ANKRD36: variants seen among roughly 807,000 people sequenced by gnomAD.
ANKRD36 encodes the protein ankyrin repeat domain 36, also known as ankyrin repeat domain-containing protein 36A.
ANKRD36 carries 179 observed loss-of-function variants against 278.1 expected under a neutral mutation model. The ratio of observed to expected loss-of-function variants is 0.64; its 90% CI spans 0.57 to 0.73. ANKRD36 has a LOEUF of 0.73. Ranked by LOEUF, ANKRD36 falls within the 30% of genes least tolerant of loss-of-function variation. ANKRD36 has a pLI of 0.00. For missense variants in ANKRD36, 1,159 were observed against 1,956.7 expected, an observed-to-expected ratio of 0.59 and a Z score of 7.69; for synonymous variants, 320 against 641.1, an observed-to-expected ratio of 0.50 and a Z score of 7.57.
intron 30 of ANKRD36, among the ~76,000 whole-genome samples, chr2:97,186,647 A>G (rs2924037): frequency 6.6e-6 from 1 of 151,662 alleles, no homozygotes; most frequent in African/African-American, 2.4e-5. Flanking sequence ...TACTCGGATT[A>G]AGGAAACATA....
intron 6 of ANKRD36, among the ~76,000 whole-genome samples, chr2:97,140,407 G>A (rs1379932687): frequency 6.6e-6 from 1 of 151,934 alleles, no homozygotes; most frequent in Non-Finnish European, 1.5e-5. Context: ...GCTCCACAAA[G>A]TCTTACGTAT....
intron 42 of ANKRD36, 61 bp from the exon 43 acceptor site, chr2:97,198,402 A>T: frequency 6.4e-7 from 1 of 1,553,602 alleles, no homozygotes; most frequent in Non-Finnish European, 8.7e-7. Context: ...CACTGTATGA[A>T]TGTATGGATA....
chr2:97,217,151 A>G (rs1389795618), intron 62 of ANKRD36, 26 bp from the exon 63 acceptor site: 2 of 1,537,848 alleles, frequency 1.3e-6, no homozygotes, highest in South Asian at 1.2e-5. Context: ...ACATATGATG[A>G]ATTATATATT....
intron 22 of ANKRD36, among the ~76,000 whole-genome samples, chr2:97,177,429 A>G (rs979184998): frequency 2.6e-5 from 4 of 151,948 alleles, no homozygotes; most frequent in Non-Finnish European, 4.4e-5. Flanking sequence ...TTCAAACTAT[A>G]CTACAAGGCT....
At chr2:97,177,265 C>T (rs376789263) in intron 22 of ANKRD36, among the ~76,000 whole-genome samples, 2 of 151,692 alleles carry the variant, frequency 1.3e-5, no homozygotes, top group South Asian at 2.1e-4. Context: ...AGGTAATTTA[C>T]AGATTCAATG....
At chr2:97,203,791 G>A (rs905619484) in intron 48 of ANKRD36, among the ~76,000 whole-genome samples, 1 of 151,728 alleles carries the variant, frequency 6.6e-6, no homozygotes, top group African/African-American at 2.4e-5. Flanking sequence ...CTCATCACTC[G>A]GCATATCCAC....
At chr2:97,177,838 A>G (rs902350332) in intron 22 of ANKRD36, among the ~76,000 whole-genome samples, 2 of 151,984 alleles carry the variant, frequency 1.3e-5, no homozygotes, top group Admixed American at 6.6e-5. Flanking sequence ...GGATCTAATT[A>G]AACTAAAGAG....
intron 6 of ANKRD36, among the ~76,000 whole-genome samples, chr2:97,135,772 G>A (rs1377008484): frequency 6.6e-6 from 1 of 151,788 alleles, no homozygotes; most frequent in Non-Finnish European, 1.5e-5. Context: ...GGATGTAATG[G>A]CTCAAATTTT....
At chr2:97,136,769 C>T (rs543728635) in intron 6 of ANKRD36, among the ~76,000 whole-genome samples, 35 of 152,064 alleles carry the variant, frequency 2.3e-4, no homozygotes, top group African/African-American at 8.4e-4. Context: ...GTTCTAGCTG[C>T]ACCTGGTTCA....
chr2:97,131,872 A>G (rs1256565876), intron 6 of ANKRD36, among the ~76,000 whole-genome samples: 1 of 151,924 alleles, frequency 6.6e-6, no homozygotes, highest in Admixed American at 6.6e-5. Flanking sequence ...TCTGTTGCCC[A>G]GGCTGGAGTG....
At chr2:97,163,084 G>A (rs2049467100) in intron 18 of ANKRD36, among the ~76,000 whole-genome samples, 1 of 152,302 alleles carries the variant, frequency 6.6e-6, no homozygotes, top group Non-Finnish European at 1.5e-5. Flanking sequence ...TGGCTAACAT[G>A]GTGAAACCCC....
chr2:97,153,759 G>C (rs1316400734), intron 14 of ANKRD36, among the ~76,000 whole-genome samples: 1 of 147,746 alleles, frequency 6.8e-6, no homozygotes, highest in Non-Finnish European at 1.5e-5. Context: ...AATTTGCAGG[G>C]GACAGCCAAA....
intron 20 of ANKRD36, among the ~76,000 whole-genome samples, chr2:97,166,597 T>A: frequency 6.7e-6 from 1 of 148,472 alleles, no homozygotes; most frequent in Non-Finnish European, 1.5e-5. Context: ...GGCTAGGTGT[T>A]TGGGGGTTTC....
At position 97,155,493 on chromosome 2, in the gene ANKRD36, A is replaced by G. The variant is rs1204341432; in HGVS notation, c.1260+752A>G. Among the ~76,000 whole-genome samples the G allele has an allele frequency of 1.4e-5, 2 of 146,536 alleles. 1 individual carries two copies. The highest frequency in any genetic ancestry group is 3.1e-5 in the Non-Finnish European group (2 of 64,936). On this transcript the variant is annotated intron_variant, in intron 15 of 75. Transcript: ENST00000420699. ...AAATTTAAATTCTGTTCTCAGATCTACAGTAGAGAGGGTTTACAGTGTGTT... is the reference window on the plus strand; with the variant it reads ...AAATTTAAATTCTGTTCTCAGATCTGCAGTAGAGAGGGTTTACAGTGTGTT...
chr2:97,183,550 A>C, intron 27 of ANKRD36, 32 bp from the exon 28 acceptor site: 1 of 1,552,348 alleles, frequency 6.4e-7, no homozygotes, highest in Non-Finnish European at 8.7e-7. Flanking sequence ...TATGTATTAT[A>C]TATTGACTAT....
intron 1 of ANKRD36, among the ~76,000 whole-genome samples, chr2:97,116,396 C>T (rs1380584768): frequency 6.6e-6 from 1 of 152,110 alleles, no homozygotes; most frequent in Non-Finnish European, 1.5e-5. Context: ...ACCTCAGCCT[C>T]CTGAGTAGCT....
chr2:97,202,161 T>A (rs770077239), intron 46 of ANKRD36, 41 bp from the exon 47 acceptor site: 102 of 1,606,864 alleles, frequency 6.3e-5, no homozygotes, highest in Non-Finnish European at 8.0e-5. Flanking sequence ...ATCTTTGTCA[T>A]ATTTACGTAT....
intron 6 of ANKRD36, among the ~76,000 whole-genome samples, chr2:97,135,048 A>G (rs188364934): frequency 6.6e-6 from 1 of 152,230 alleles, no homozygotes; most frequent in East Asian, 1.9e-4. Context: ...GATCTCTCTT[A>G]GGCTCTTCTG....
In ANKRD36 at chr2:97,207,822, A is replaced by C. The variant is rs1173985019; in HGVS notation, c.3175A>C (p.Lys1059Gln). 1 of 1,546,798 alleles carries C rather than the reference A, an allele frequency of 6.5e-7. No homozygotes were observed. The highest frequency in any genetic ancestry group is 8.7e-7 in the Non-Finnish European group (1 of 1,144,614). Residue 1059 changes from lysine to glutamine, a missense_variant, in exon 53 of 76, where the codon AAA becomes CAA. Transcript: ENST00000420699. ...GEKSRTVSSE[K>Q]PSGLKATSAE... ...CTTTTACTTTTCAGTGTCTTCTGAG[A>C]AACCATCAGGCTTGAAGGTAATGAA...
Sources: allele counts gnomAD v4.1 joint callset (sites outside exome capture counted in the v4.1 genomes callset), GRCh38; gene constraint gnomAD v4.1.1; transcripts MANE v1.5; gene names NCBI Gene and HGNC (gene_info 2026-07-23, HGNC 2026-07-21).